POLE: variants seen among roughly 807,000 people sequenced by gnomAD.
POLE encodes DNA polymerase epsilon, catalytic subunit.
POLE carries 188 observed loss-of-function variants against 279.2 expected under a neutral mutation model. The observed-to-expected ratio is 0.67, with a 90% confidence interval of 0.60 to 0.76. POLE has a LOEUF of 0.76. Among genes scored for constraint, POLE ranks in the 30% least tolerant of loss-of-function variants. The probability of loss-of-function intolerance (pLI) is 0.00; values close to 1 mark genes in which losing one functional copy is unlikely to be tolerated. For synonymous variants in POLE, 1,214 were observed against 1,172.5 expected (o/e 1.04, Z -0.72); for missense variants, 2,703 against 3,016.7 (o/e 0.90, Z 2.44).
In POLE at chr12:132,659,281, GGGGGAGCCCTCACCTCTCCGTGACA is replaced by G. The variant is rs761516512; in HGVS notation, c.3264_3275+13del. On this transcript the variant is annotated splice_donor_variant and splice_donor_5th_base_variant and coding_sequence_variant and intron_variant, in exon 26 of 49. Coordinates refer to ENST00000320574, the MANE Select transcript of POLE (RefSeq NM_006231.4). LOFTEE classifies it high-confidence loss of function. ...GAGGAGCCCTCACCTCTCCGTGATG[GGGGGAGCCCTCACCTCTCCGTGACA>G]GGGGAGCCCTCGGGCTTGCGGGAGA... is the stretch of plus-strand genomic sequence containing the variant. The G allele has an allele frequency of 1.1e-5, 18 of 1,610,294 alleles. No individual in the cohort carries two copies. Among genetic ancestry groups the G allele is most frequent in the South Asian group, 2.2e-5 (2 of 90,890 alleles).
intron 21 of POLE, 84 bp downstream of exon 21, chr12:132,665,218 C>T (rs2042765110): frequency 7.2e-7 from 1 of 1,386,756 alleles, no homozygotes; most frequent in Admixed American, 1.8e-5. Context: ...GCCCTCCATG[C>T]ACAGCAGCCT....
At chr12:132,648,285 T>TGACAGGTAAGGGATGCC (rs1185332554) in intron 32 of POLE, among the ~76,000 whole-genome samples, 1 of 148,976 alleles carries the variant, frequency 6.7e-6, no homozygotes, top group Non-Finnish European at 1.5e-5. Context: ...GGGAGGATGG[T>TGACAGGTAAGGGATGCC]GACAGGTAAG....
intron 16 of POLE, 141 bp from the exon 17 acceptor site, chr12:132,669,080 TAAG>T (rs1191665440): frequency 4.3e-6 from 3 of 705,170 alleles, no homozygotes; most frequent in East Asian, 2.9e-5. Context: ...AGAAAAAAGT[TAAG>T]AAGGGTTGCC....
intron 6 of POLE, among the ~76,000 whole-genome samples, chr12:132,678,285 A>AT (rs541784996): frequency 6.1e-4 from 93 of 152,046 alleles, no homozygotes; most frequent in African/African-American, 2.1e-3. Context: ...AGAAAAAAAA[A>AT]AAGAGGGCCA....
At chr12:132,663,928 G>T in intron 23 of POLE, 76 bp downstream of exon 23, 1 of 1,509,410 alleles carries the variant, frequency 6.6e-7, no homozygotes, top group Non-Finnish European at 9.2e-7. Context: ...ACACTGTGAG[G>T]TGCTGCAGAG....
Position 132,672,290 on chromosome 12 carries a change from C to T in POLE, c.1719G>A (p.Arg573=). The T allele has an allele frequency of 6.2e-7, 1 of 1,614,218 alleles. No homozygotes were observed. The highest frequency in any genetic ancestry group is 8.5e-7 in the Non-Finnish European group (1 of 1,180,040). Residue 573 remains arginine, a synonymous_variant, in exon 16 of 49, where the codon CGG becomes CGA. Transcript: ENST00000320574. ...NPAAFDFLLQ[R]VEKTLRHALE... ...GGGCGTGGCGCAAGGTCTTCTCAAC[C>T]CGCTGCAGCAGGAAGTCAAAGGCGG...
Position 132,642,578 on chromosome 12 carries a change from T to C in POLE, c.4880A>G (p.His1627Arg), listed in dbSNP as rs1274894982. The stretch of plus-strand genomic sequence containing the variant: ...GTGACGGATCATGCGCCGGGCTCCA[T>C]GGCGCTGCCAGTCCAGGACCCCATA... ...INYGVLDWQR[H>R]GARRMIRHYL... is the part of the protein sequence containing the mutation. The change falls in exon 37 of 49, where the codon CAT becomes CGT. Residue 1627 changes from histidine to arginine, a missense_variant. Transcript: ENST00000320574. 5 of 1,613,382 alleles carry C rather than the reference T, an allele frequency of 3.1e-6. No individual in the cohort carries two copies. Among genetic ancestry groups the C allele is most frequent in the East Asian group, 2.2e-5 (1 of 44,890 alleles).
intron 8 of POLE, 94 bp downstream of exon 8, chr12:132,677,269 A>G (rs978588303): frequency 9.4e-5 from 84 of 889,158 alleles, no homozygotes; most frequent in Middle Eastern, 4.4e-4. Context: ...AGCAGCAAAC[A>G]TATCTTTGAG....
chr12:132,649,921 G>C (rs2042385786), intron 29 of POLE, 32 bp from the exon 30 acceptor site: 1 of 1,599,660 alleles, frequency 6.3e-7, no homozygotes, highest in Admixed American at 1.7e-5. Flanking sequence ...TTAAATCTCA[G>C]GATCTCGGGC....
At position 132,680,943 on chromosome 12, in the gene POLE, C is replaced by T. The variant is rs903432076; in HGVS notation, c.204+195G>A. On this transcript the variant is annotated intron_variant, in intron 2 of 48. Coordinates refer to ENST00000320574, the MANE Select transcript of POLE (RefSeq NM_006231.4). ...TGATGGCTAAAAGAGATGCCCATCA[C>T]CTCCGGCTTCTCACAGTGGCCTCTC... The T allele has an allele frequency of 2.3e-4, 148 of 655,888 alleles. No homozygotes were observed. In the East Asian group the frequency reaches 4.0e-3, roughly 18 times the overall value. The allele number at this position is 655,888 out of a possible 1,614,324, so 40.6% of individuals were successfully genotyped here. A position where few individuals can be genotyped will look rare whatever the true frequency, so the allele number is the denominator to read the frequency against.
In POLE at chr12:132,664,535, T is replaced by G. The variant is rs1029356954; in HGVS notation, c.2469-73A>C. On this transcript the variant is annotated intron_variant, in intron 21 of 48. Transcript: ENST00000320574. The surrounding 1 kb of genome is among the most constrained non-coding windows in gnomAD (Gnocchi z 5.3). ...AGGGGGTATCAGAGGCAGTGAGGAGTAGGGAGGAGGAAAGGAGAGATGCGA... is the reference window on the plus strand; with the variant it reads ...AGGGGGTATCAGAGGCAGTGAGGAGGAGGGAGGAGGAAAGGAGAGATGCGA... The G allele has an allele frequency of 8.9e-7, 1 of 1,129,500 alleles. No individual in the cohort carries two copies. The highest frequency in any genetic ancestry group is 1.8e-5 in the Admixed American group (1 of 56,852). 70.0% of individuals were successfully genotyped at this position (1,129,500 alleles called of 1,614,324 possible). A position where few individuals can be genotyped will look rare whatever the true frequency, so the allele number is the denominator to read the frequency against.
At chr12:132,643,369 G>A (rs1231749151) in intron 34 of POLE, 38 bp downstream of exon 34, 2 of 1,614,080 alleles carry the variant, frequency 1.2e-6, no homozygotes, top group African/African-American at 1.3e-5. Context: ...AGATGTGTGG[G>A]AGGCAGGCAC....
At chr12:132,630,836 T>C (rs1312409685) in intron 45 of POLE, among the ~76,000 whole-genome samples, 1 of 152,204 alleles carries the variant, frequency 6.6e-6, no homozygotes. Flanking sequence ...TACCAAGTCC[T>C]GGTGAGGATG....
Position 132,675,916 on chromosome 12 carries a change from T to G in POLE, c.1021-96A>C, listed in dbSNP as rs878956932. 3 of 1,095,666 alleles carry G rather than the reference T, an allele frequency of 2.7e-6. No homozygotes were observed. The South Asian group carries it at 3.8e-5, about 14-fold the overall frequency. The allele number at this position is 1,095,666 out of a possible 1,614,324, so 67.9% of individuals were successfully genotyped here. A position where few individuals can be genotyped will look rare whatever the true frequency, so the allele number is the denominator to read the frequency against. ...AAGTTCAGAAGCAGCAGCCTCATGTTGGCCCTTATTCCTGCCCCGCCCCTC... is the reference window on the plus strand; with the variant it reads ...AAGTTCAGAAGCAGCAGCCTCATGTGGGCCCTTATTCCTGCCCCGCCCCTC... On this transcript the variant is annotated intron_variant, in intron 10 of 48. Coordinates refer to ENST00000320574, the MANE Select transcript of POLE (RefSeq NM_006231.4). This position sits in a 1 kb window ranked among gnomAD's most constrained non-coding sequence, Gnocchi z 4.3.
intron 29 of POLE, among the ~76,000 whole-genome samples, chr12:132,653,100 C>T (rs1349414226): frequency 6.6e-6 from 1 of 152,136 alleles, no homozygotes; most frequent in Non-Finnish European, 1.5e-5. Context: ...TGTGTATAGG[C>T]CAGGCATGGT....
rs1179752421 is a variant in POLE at position 132,639,158 on chromosome 12, G to C, written c.5519C>G (p.Thr1840Arg). 6.2e-7 allele frequency: 1 copy of C among 1,614,162 alleles called. No homozygotes were observed. The highest frequency in any genetic ancestry group is 1.7e-5 in the Admixed American group (1 of 60,028). ...GAGCTTCTTCATCATGTTGTGGAGT[G>C]TGCGGTGCAGGGCAGGGTCATGAAG... ...SLLHDPALHRTLHNMMKKLFL... is the reference protein window; with the variant it reads ...SLLHDPALHRRLHNMMKKLFL... The change falls in exon 40 of 49, where the codon ACA (threonine) becomes AGA (arginine). Residue 1840 changes from threonine (T) to arginine (R), a missense_variant. Physicochemically the swap from Thr to Arg is moderately conservative, Grantham distance 71. Around this residue, in one of 5 missense-constraint regions of POLE, gnomAD observed 1,551 missense variants for 1,686.1 expected, o/e 0.92. Coordinates refer to ENST00000320574, the MANE Select transcript of POLE (RefSeq NM_006231.4). This position sits in a 1 kb window ranked among gnomAD's most constrained non-coding sequence, Gnocchi z 4.7.
Position 132,668,885 on chromosome 12 carries a change from T to A in POLE, c.1849A>T (p.Ile617Phe), listed in dbSNP as rs1336668078. ...AGGTGGTAGATGAGTGGACACTCGA[T>A]GCGGCTGGGAACGTCCTTCAGGGAG... ...LASLKDVPSR[I>F]ECPLIYHLDV... The change falls in exon 17 of 49, where the codon ATC (isoleucine) becomes TTC (phenylalanine). Residue 617 changes from isoleucine to phenylalanine, a missense_variant. Ile to Phe is a conservative substitution (Grantham distance 21). Transcript: ENST00000320574. The surrounding 1 kb of genome is among the most constrained non-coding windows in gnomAD (Gnocchi z 4.0). The A allele has an allele frequency of 6.2e-7, 1 of 1,614,020 alleles. No homozygotes were observed. Among genetic ancestry groups the A allele is most frequent in the African/African-American group, 1.3e-5 (1 of 74,910 alleles).
intron 38 of POLE, 86 bp downstream of exon 38, chr12:132,642,091 C>T: frequency 8.0e-7 from 1 of 1,250,386 alleles, no homozygotes; most frequent in East Asian, 2.3e-5. Flanking sequence ...CTGAGCCCAT[C>T]CTCGGCACTA....
Position 132,642,327 on chromosome 12 carries a change from G to A in POLE, c.5023C>T (p.Arg1675Cys), listed in dbSNP as rs1027297469. ...AGGTGGTTGTGGCGCTGGAGGTGGC[G>A]GGCAAAGAAGAGGTCGGAGCCGAAT... ...STFGSDLFFA[R>C]HLQRHNHLLW... The change falls in exon 38 of 49, where the codon CGC becomes TGC. Residue 1675 changes from arginine (R) to cysteine (C), a missense_variant. Physicochemically the swap from Arg to Cys is radical, Grantham distance 180 (BLOSUM62 -3). This residue lies in a region of POLE where 1,551 missense variants were observed against 1,686.1 expected (regional missense o/e 0.92). Coordinates refer to ENST00000320574, the MANE Select transcript of POLE (RefSeq NM_006231.4). 5.0e-6 allele frequency: 8 copies of A among 1,596,748 alleles called. No individual in the cohort carries two copies. The highest frequency in any genetic ancestry group is 2.2e-5 in the East Asian group (1 of 44,720).
Sources: allele counts gnomAD v4.1 joint callset (sites outside exome capture counted in the v4.1 genomes callset), GRCh38; gene constraint gnomAD v4.1.1; regional missense constraint gnomAD v4.1.1; non-coding constraint Gnocchi (gnomAD v3.1); transcripts MANE v1.5; gene names NCBI Gene and HGNC (gene_info 2026-07-23, HGNC 2026-07-21).